MAP2K5: variants seen among roughly 807,000 people sequenced by gnomAD.
MAP2K5 encodes mitogen-activated protein kinase kinase 5.
A neutral mutation model predicts 83.1 loss-of-function variants in MAP2K5; 49 were observed. The ratio of observed to expected loss-of-function variants is 0.59; its 90% CI spans 0.47 to 0.75. The LOEUF (loss-of-function observed/expected upper bound fraction) is 0.75. MAP2K5 is among the 30% of genes least tolerant of loss of function. The probability of loss-of-function intolerance (pLI) is 0.00; values close to 1 mark genes in which losing one functional copy is unlikely to be tolerated. For synonymous variants in MAP2K5, 202 were observed against 191.8 expected, an observed-to-expected ratio of 1.05 and a Z score of -0.44; for missense variants, 457 against 557.5, an observed-to-expected ratio of 0.82 and a Z score of 1.82.
intron 17 of MAP2K5, among the ~76,000 whole-genome samples, chr15:67,731,606 G>A (rs1389303334): frequency 1.3e-5 from 2 of 152,118 alleles, no homozygotes; most frequent in South Asian, 4.1e-4. Context: ...TCCCACATAG[G>A]GTTCCAGTCT....
chr15:67,681,339 A>C (rs1314018704), intron 13 of MAP2K5, among the ~76,000 whole-genome samples: 1 of 152,236 alleles, frequency 6.6e-6, no homozygotes, highest in Admixed American at 6.5e-5. Context: ...TGAGCATGTG[A>C]GTGTTGTGAG....
chr15:67,682,938 G>A (rs753989662), intron 13 of MAP2K5, among the ~76,000 whole-genome samples: 5 of 150,766 alleles, frequency 3.3e-5, no homozygotes, highest in Non-Finnish European at 5.9e-5. Flanking sequence ...TCAGGAGTTC[G>A]AGACCAGCCT....
At chr15:67,566,510 A>G (rs1296026082) in intron 3 of MAP2K5, among the ~76,000 whole-genome samples, 1 of 152,120 alleles carries the variant, frequency 6.6e-6, no homozygotes, top group Non-Finnish European at 1.5e-5. Flanking sequence ...AATTCAGTAC[A>G]CCTGTGGTCA....
Position 67,755,056 on chromosome 15 carries a change from C to A in MAP2K5, c.1134+6455C>A, listed in dbSNP as rs962633185. The stretch of plus-strand genomic sequence containing the variant: ...GTGGCACAATCTTGGCTCACTGCAA[C>A]CTCCGCCTCCTGGGTTCATGCAATC... On this transcript the variant is annotated intron_variant, in intron 19 of 21. Coordinates refer to ENST00000178640, the MANE Select transcript of MAP2K5 (RefSeq NM_145160.3). This position sits in a 1 kb window ranked among gnomAD's most constrained non-coding sequence, Gnocchi z 4.7. Among the ~76,000 whole-genome samples, 16 of 152,110 alleles carry A rather than the reference C, an allele frequency of 1.1e-4. No homozygotes were observed. Among genetic ancestry groups the A allele is most frequent in the African/African-American group, 3.6e-4 (15 of 41,410 alleles).
At chr15:67,556,384 A>G (rs192836143) in intron 2 of MAP2K5, among the ~76,000 whole-genome samples, 1 of 152,256 alleles carries the variant, frequency 6.6e-6, no homozygotes, top group East Asian at 1.9e-4. Context: ...AGTCCAGGAT[A>G]TTGAAGAAAC....
At chr15:67,632,386 C>T (rs2086495558) in intron 9 of MAP2K5, among the ~76,000 whole-genome samples, 1 of 152,202 alleles carries the variant, frequency 6.6e-6, no homozygotes, top group Admixed American at 6.5e-5. Context: ...AGGCATGAGC[C>T]ACCACGCCCA....
At chr15:67,701,171 T>G (rs7495061) in intron 15 of MAP2K5, among the ~76,000 whole-genome samples, 150,967 of 152,168 alleles carry the variant, frequency 0.99, 74,905 homozygotes, top group Non-Finnish European at 1. Context: ...AGGACAGGGG[T>G]TAGGGCAGCA....
rs1015790422 is a variant in MAP2K5, at chr15:67,583,904, G to T, written c.323-1986G>T. On this transcript the variant is annotated intron_variant, in intron 4 of 21. Coordinates refer to ENST00000178640, the MANE Select transcript of MAP2K5 (RefSeq NM_145160.3). Reference sequence around the variant, plus strand: ...TGGGGCTACAGGCATGTGCCACCACGCTGGGCATTTTTTTTTAATTTTTTA... The same window carrying T: ...TGGGGCTACAGGCATGTGCCACCACTCTGGGCATTTTTTTTTAATTTTTTA... Among the ~76,000 whole-genome samples, 3 of 151,888 alleles carry T rather than the reference G, an allele frequency of 2.0e-5. No homozygotes were observed. In the South Asian group the frequency reaches 6.3e-4, roughly 32 times the overall value.
Position 67,702,738 on chromosome 15 carries a change from G to T in MAP2K5, c.973-599G>T, listed in dbSNP as rs1455521782. Among the ~76,000 whole-genome samples the T allele has an allele frequency of 6.6e-6, 1 of 152,104 alleles. No homozygotes were observed. The highest frequency in any genetic ancestry group is 1.5e-5 in the Non-Finnish European group (1 of 68,014). On this transcript the variant is annotated intron_variant, in intron 15 of 21. Coordinates refer to ENST00000178640, the MANE Select transcript of MAP2K5 (RefSeq NM_145160.3). The surrounding 1 kb of genome is among the most constrained non-coding windows in gnomAD (Gnocchi z 4.6). ...AATGGACCTTTCAGACTGTTCCTTG[G>T]TTCATATACAAAGAAACTCTGATCA...
intron 8 of MAP2K5, among the ~76,000 whole-genome samples, chr15:67,615,008 T>C (rs773836638): frequency 6.6e-5 from 10 of 152,156 alleles, no homozygotes; most frequent in Non-Finnish European, 1.3e-4. Context: ...TTTCTTTCTT[T>C]CTTTCTGAGA....
chr15:67,660,441 TA>T (rs2087208615), intron 12 of MAP2K5, among the ~76,000 whole-genome samples: 1 of 152,124 alleles, frequency 6.6e-6, no homozygotes, highest in Non-Finnish European at 1.5e-5. Context: ...CTGTGGTGTG[TA>T]AACTAAATAT....
rs1188820476 is a variant in MAP2K5 at position 67,682,451 on chromosome 15, C to A, written c.848-10028C>A. Among the ~76,000 whole-genome samples the A allele has an allele frequency of 4.6e-5, 7 of 151,982 alleles. No individual in the cohort carries two copies. In the South Asian group the frequency reaches 1.0e-3, roughly 23 times the overall value. On this transcript the variant is annotated intron_variant, in intron 13 of 21. Transcript: ENST00000178640. ...CGTTGGCCAGGCTCATTTCGATCTC[C>A]TGATCTCATGTTTCACCCGCCTTGG...
At chr15:67,568,122 T>C (rs2084878584) in intron 3 of MAP2K5, among the ~76,000 whole-genome samples, 1 of 152,210 alleles carries the variant, frequency 6.6e-6, no homozygotes, top group South Asian at 2.1e-4. Flanking sequence ...TTGTCTATTC[T>C]CACTCTTTAT....
chr15:67,679,751 A>G (rs2087769156), intron 13 of MAP2K5: 1 of 152,166 alleles, frequency 6.6e-6, no homozygotes, highest in Admixed American at 6.5e-5. Flanking sequence ...ATGGATTATC[A>G]ATTTATTTAT....
At chr15:67,788,940 C>T (rs960795396) in intron 21 of MAP2K5, among the ~76,000 whole-genome samples, 1 of 149,582 alleles carries the variant, frequency 6.7e-6, no homozygotes, top group South Asian at 2.2e-4. Context: ...CCATTGCACT[C>T]CAGCATGGGT....
chr15:67,645,774 T>C (rs2086818947), intron 9 of MAP2K5, among the ~76,000 whole-genome samples: 1 of 151,782 alleles, frequency 6.6e-6, no homozygotes, highest in Non-Finnish European at 1.5e-5. Context: ...ACTGGCCATA[T>C]ACCCCTGGCC....
Position 67,563,240 on chromosome 15 carries a change from A to G in MAP2K5, c.185-43A>G. 6.3e-7 allele frequency: 1 copy of G among 1,590,660 alleles called. No individual in the cohort carries two copies. The highest frequency in any genetic ancestry group is 8.5e-7 in the Non-Finnish European group (1 of 1,171,514). On this transcript the variant is annotated intron_variant, in intron 2 of 21. Transcript: ENST00000178640. The surrounding 1 kb of genome is among the most constrained non-coding windows in gnomAD (Gnocchi z 4.5). The stretch of plus-strand genomic sequence containing the variant: ...ATATTATGTTCCCTTTGTGCATTAA[A>G]CAAATGCACACCTTATCATTTGCAT...
chr15:67,630,982 CTG>C, intron 9 of MAP2K5, 55 bp downstream of exon 9: 1 of 1,361,698 alleles, frequency 7.3e-7, no homozygotes, highest in East Asian at 2.3e-5. Flanking sequence ...TTCCTTTCCT[CTG>C]TTAGCTTGAG....
rs1200865444 is a variant in MAP2K5, at chr15:67,722,408, A to T, written c.1045-5508A>T. 6.7e-6 allele frequency among the ~76,000 whole-genome samples: 1 copy of T among 150,314 alleles called. No individual in the cohort carries two copies. Among genetic ancestry groups the T allele is most frequent in the Non-Finnish European group, 1.5e-5 (1 of 67,662 alleles). On this transcript the variant is annotated intron_variant, in intron 16 of 21. Transcript: ENST00000178640. This position sits in a 1 kb window ranked among gnomAD's most constrained non-coding sequence, Gnocchi z 4.2. ...ATCCTCCACATTTAATTGAAACCCT[A>T]CTTCAAGACGCTTTGTGTTTCTGTG... is the stretch of plus-strand genomic sequence containing the variant.
Sources: gnomAD v4.1 joint callset for allele counts (sites outside exome capture counted in the v4.1 genomes callset) on GRCh38, gnomAD v4.1.1 for gene constraint, Gnocchi (gnomAD v3.1) non-coding constraint, MANE v1.5 for transcripts, NCBI Gene and HGNC (gene_info 2026-07-23, HGNC 2026-07-21) for gene names.